CSMD3: variants seen among roughly 807,000 people sequenced by gnomAD.
The protein encoded by CSMD3 is CUB and Sushi multiple domains 3, also known as CUB and sushi domain-containing protein 3.
CSMD3 carries 177 observed loss-of-function variants against 435.2 expected under a neutral mutation model. The ratio of observed to expected loss-of-function variants is 0.41; its 90% CI spans 0.36 to 0.46. CSMD3 has a LOEUF of 0.46. CSMD3 is among the 20% of genes least tolerant of loss of function. CSMD3 has a pLI of 0.34. For missense variants in CSMD3, 4,265 were observed against 4,504.6 expected (o/e 0.95, Z 1.52); for synonymous variants, 1,656 against 1,520.5 (o/e 1.09, Z -2.07).
At chr8:112,284,114 C>G (rs1454498880) in intron 58 of CSMD3, among the ~76,000 whole-genome samples, 1 of 151,764 alleles carries the variant, frequency 6.6e-6, no homozygotes, top group Non-Finnish European at 1.5e-5. Context: ...TAACAATACA[C>G]ACTTGTATTG....
At chr8:112,297,502 A>C (rs1430131366) in intron 53 of CSMD3, among the ~76,000 whole-genome samples, 4 of 152,106 alleles carry the variant, frequency 2.6e-5, no homozygotes, top group Non-Finnish European at 5.9e-5. Context: ...TCTATGCAGA[A>C]AAAGTATGTA....
intron 3 of CSMD3, among the ~76,000 whole-genome samples, chr8:113,207,955 A>G (rs2092790295): frequency 6.6e-6 from 1 of 152,186 alleles, no homozygotes; most frequent in Admixed American, 6.6e-5. Flanking sequence ...CATACGGCCA[A>G]TGATTAGCTC....
intron 53 of CSMD3, among the ~76,000 whole-genome samples, chr8:112,300,440 TA>T (rs1439533801): frequency 6.6e-6 from 1 of 151,938 alleles, no homozygotes; most frequent in Non-Finnish European, 1.5e-5. Context: ...TTTGATTATA[TA>T]ATCACATATT....
At chr8:112,917,000 C>A (rs999703150) in intron 10 of CSMD3, among the ~76,000 whole-genome samples, 1 of 151,856 alleles carries the variant, frequency 6.6e-6, no homozygotes, top group African/African-American at 2.4e-5. Context: ...GCAGCTCTTA[C>A]GTTTGACCAG....
intron 24 of CSMD3, among the ~76,000 whole-genome samples, chr8:112,566,027 T>TTTC (rs1829034852): frequency 6.7e-6 from 1 of 148,150 alleles, no homozygotes; most frequent in South Asian, 2.1e-4. Context: ...ACTAACATTA[T>TTTC]TTCTCTCTCT....
intron 16 of CSMD3, among the ~76,000 whole-genome samples, chr8:112,678,419 T>C (rs1377733884): frequency 6.6e-6 from 1 of 152,170 alleles, no homozygotes; most frequent in East Asian, 1.9e-4. Flanking sequence ...TGCAACAAGA[T>C]GATGGCAGAA....
intron 32 of CSMD3, among the ~76,000 whole-genome samples, chr8:112,418,460 T>C (rs1736935092): frequency 6.6e-6 from 1 of 152,162 alleles, no homozygotes; most frequent in African/African-American, 2.4e-5. Context: ...CTGTATACTC[T>C]GAACTGTGAA....
intron 38 of CSMD3, among the ~76,000 whole-genome samples, chr8:112,374,357 C>G (rs111539407): frequency 3.3e-5 from 5 of 152,178 alleles, no homozygotes; most frequent in African/African-American, 1.2e-4. Context: ...CTCTTTTTCA[C>G]ATCTATTTAT....
At chr8:112,264,053 T>C (rs1816700234) in intron 60 of CSMD3, among the ~76,000 whole-genome samples, 2 of 152,082 alleles carry the variant, frequency 1.3e-5, no homozygotes, top group African/African-American at 4.8e-5. Context: ...TCTTACAAAA[T>C]AGCAAGCTGC....
chr8:113,350,170 C>T (rs1224468372), intron 1 of CSMD3, among the ~76,000 whole-genome samples: 3 of 151,890 alleles, frequency 2.0e-5, no homozygotes, highest in Admixed American at 6.6e-5. Flanking sequence ...GAGTGACCCC[C>T]GACAACATCA....
At chr8:113,408,347 T>C (rs1170865384) in intron 1 of CSMD3, among the ~76,000 whole-genome samples, 4 of 152,318 alleles carry the variant, frequency 2.6e-5, no homozygotes, top group African/African-American at 4.8e-5. Context: ...TTGGAAATCA[T>C]GGTAAGACTT....
rs866922022 is a variant in CSMD3 at position 113,199,117 on chromosome 8, A to G, written c.515-25201T>C. On this transcript the variant is annotated intron_variant, in intron 3 of 70. Coordinates refer to ENST00000297405, the MANE Select transcript of CSMD3 (RefSeq NM_198123.2). ...ATATATAATTTCAAATATATATAGT[A>G]TATATTTGCAACTGAAAACAACAGC... 8.7e-5 allele frequency among the ~76,000 whole-genome samples: 13 copies of G among 150,040 alleles called. No homozygotes were observed. In the South Asian group the frequency reaches 1.7e-3, roughly 19 times the overall value.
At chr8:112,501,040 G>GGGCT (rs1360812349) in intron 30 of CSMD3, among the ~76,000 whole-genome samples, 1 of 151,988 alleles carries the variant, frequency 6.6e-6, no homozygotes, top group African/African-American at 2.4e-5. Flanking sequence ...AGTCAACAGT[G>GGGCT]GGCTGGCTTT....
chr8:112,323,148 AAAAC>A (rs60164058), intron 45 of CSMD3, among the ~76,000 whole-genome samples: 37 of 150,524 alleles, frequency 2.5e-4, no homozygotes, highest in African/African-American at 3.2e-4. Context: ...GGAGTAATGA[AAAAC>A]AAACAAACAA....
chr8:112,911,143 A>T (rs533830809), intron 10 of CSMD3, among the ~76,000 whole-genome samples: 1 of 151,854 alleles, frequency 6.6e-6, no homozygotes, highest in Non-Finnish European at 1.5e-5. Context: ...CTAAAGTCAT[A>T]TTACTTTTTA....
chr8:112,601,212 A>T (rs1013383206), intron 22 of CSMD3, among the ~76,000 whole-genome samples: 1 of 152,104 alleles, frequency 6.6e-6, no homozygotes, highest in Non-Finnish European at 1.5e-5. Flanking sequence ...CCTTATCTGA[A>T]GGTGATATGA....
At chr8:112,597,353 G>T (rs569557987) in intron 22 of CSMD3, among the ~76,000 whole-genome samples, 66 of 151,182 alleles carry the variant, frequency 4.4e-4, no homozygotes, top group African/African-American at 1.6e-3. Flanking sequence ...AATAACAGGA[G>T]CTGAAATTGT....
At chr8:113,017,959 C>T (rs1383748655) in intron 6 of CSMD3, among the ~76,000 whole-genome samples, 1 of 151,970 alleles carries the variant, frequency 6.6e-6, no homozygotes, top group Non-Finnish European at 1.5e-5. Flanking sequence ...CATGTTAACA[C>T]ATTGCATAGT....
At chr8:113,317,603 C>T (rs1270175449) in intron 1 of CSMD3, among the ~76,000 whole-genome samples, 1 of 152,018 alleles carries the variant, frequency 6.6e-6, no homozygotes, top group Non-Finnish European at 1.5e-5. Context: ...TAGCATTATT[C>T]TCTAGAATAA....
Sources: gnomAD v4.1 joint callset for allele counts (sites outside exome capture counted in the v4.1 genomes callset) on GRCh38, gnomAD v4.1.1 for gene constraint, MANE v1.5 for transcripts, NCBI Gene and HGNC (gene_info 2026-07-23, HGNC 2026-07-21) for gene names.